The following TRERF1 variants were observed in gnomAD, a reference collection of about 807,000 sequenced individuals.
The protein encoded by TRERF1 is transcriptional regulating factor 1.
A neutral mutation model predicts 122.9 loss-of-function variants in TRERF1; 27 were observed. That is an observed-to-expected ratio of 0.22 (90% CI 0.16 to 0.30). The LOEUF (loss-of-function observed/expected upper bound fraction) is 0.30. Among genes scored for constraint, TRERF1 ranks in the 10% least tolerant of loss-of-function variants. The pLI, the probability that TRERF1 is intolerant of heterozygous loss-of-function variation, is 1.00. For synonymous variants in TRERF1, 636 were observed against 641.7 expected, an observed-to-expected ratio of 0.99 and a Z score of 0.13; for missense variants, 1,248 against 1,560.3, an observed-to-expected ratio of 0.80 and a Z score of 3.37.
chr6:42,347,287 T>C (rs965173817), intron 3 of TRERF1, among the ~76,000 whole-genome samples: 7 of 152,132 alleles, frequency 4.6e-5, no homozygotes, highest in South Asian at 2.1e-4. Context: ...TCCACCCACA[T>C]AATCTGTTCA....
At chr6:42,332,928 T>G (rs1396663374) in intron 3 of TRERF1, among the ~76,000 whole-genome samples, 1 of 152,216 alleles carries the variant, frequency 6.6e-6, no homozygotes, top group African/African-American at 2.4e-5. Flanking sequence ...GAAACTGGCC[T>G]ACTTTTATGG....
At chr6:42,443,803 T>C (rs1048125889) in intron 2 of TRERF1, among the ~76,000 whole-genome samples, 5 of 151,690 alleles carry the variant, frequency 3.3e-5, no homozygotes, top group Non-Finnish European at 7.4e-5. Context: ...ACAGTGGGAG[T>C]GGACAAGGGA....
intron 2 of TRERF1, among the ~76,000 whole-genome samples, chr6:42,417,369 C>G (rs1285816285): frequency 6.6e-6 from 1 of 152,178 alleles, no homozygotes. Context: ...CTCCTATGCA[C>G]AGTATGAAGG....
At chr6:42,234,946 T>A (rs1012801760) in intron 16 of TRERF1, among the ~76,000 whole-genome samples, 1 of 152,200 alleles carries the variant, frequency 6.6e-6, no homozygotes, top group Non-Finnish European at 1.5e-5. Context: ...ATACCATCAC[T>A]TAAAGTCATT....
intron 4 of TRERF1, among the ~76,000 whole-genome samples, chr6:42,271,269 G>C (rs181129161): frequency 1.3e-4 from 19 of 151,368 alleles, no homozygotes; most frequent in African/African-American, 4.1e-4. Flanking sequence ...AGAGGTGCAA[G>C]CTGTCCTTTT....
intron 4 of TRERF1, among the ~76,000 whole-genome samples, chr6:42,274,280 C>T (rs1039149604): frequency 4.6e-5 from 7 of 152,218 alleles, no homozygotes; most frequent in African/African-American, 9.6e-5. Flanking sequence ...ATGATCCAGT[C>T]TCTCCACATT....
At position 42,269,135 on chromosome 6, in the gene TRERF1, G is replaced by T; in HGVS notation, c.456C>A (p.Asn152Lys). 6.2e-7 allele frequency: 1 copy of T among 1,614,236 alleles called. No individual in the cohort carries two copies. Among genetic ancestry groups the T allele is most frequent in the South Asian group, 1.1e-5 (1 of 91,084 alleles). ...TGTTGACCTGAATTCGCAGGTTTTG[G>T]TTGGCAAACACCTGGGTGAAAGAGT... Residue 152 changes from asparagine (N) to lysine (K), a missense_variant, in exon 5 of 18, where the codon AAC (asparagine) becomes AAA (lysine). Asn to Lys is a moderately conservative substitution (Grantham distance 94). This residue lies in a region of TRERF1 where 946 missense variants were observed against 1,073.0 expected (regional missense o/e 0.88). Coordinates refer to ENST00000372922, the Ensembl canonical transcript of TRERF1. This position sits in a 1 kb window ranked among gnomAD's most constrained non-coding sequence, Gnocchi z 4.9.
chr6:42,376,529 T>C (rs1241774249), intron 2 of TRERF1, among the ~76,000 whole-genome samples: 1 of 149,236 alleles, frequency 6.7e-6, no homozygotes, highest in Non-Finnish European at 1.5e-5. Context: ...TGACTTTTCG[T>C]CTAATTCTTT....
chr6:42,249,559 G>GT (rs1168806382), intron 13 of TRERF1, among the ~76,000 whole-genome samples: 2 of 152,154 alleles, frequency 1.3e-5, no homozygotes, highest in Non-Finnish European at 2.9e-5. Context: ...ATTCCTGGTG[G>GT]TTTTTAAGAC....
intron 15 of TRERF1, among the ~76,000 whole-genome samples, chr6:42,238,834 TTCACACAC>T (rs936018587): frequency 1.4e-5 from 1 of 69,526 alleles, no homozygotes; most frequent in African/African-American, 4.4e-5. Context: ...AATCATGCAT[TTCACACAC>T]ACACACACAC....
At chr6:42,365,447 G>A (rs577656361) in intron 2 of TRERF1, among the ~76,000 whole-genome samples, 12 of 152,078 alleles carry the variant, frequency 7.9e-5, no homozygotes, top group South Asian at 2.1e-4. Context: ...TCATTCTCCC[G>A]GGCTCCCAGA....
chr6:42,379,840 C>T lies in TRERF1; in HGVS notation c.-453-16761G>A, dbSNP rs149520301. 3.4e-3 allele frequency among the ~76,000 whole-genome samples: 516 copies of T among 152,334 alleles called. 3 individuals carry two copies. The highest frequency in any genetic ancestry group is 0.01 in the Middle Eastern group (3 of 294). Reference sequence around the variant, plus strand: ...ACAGGTGTGAGCCATCACGCCCAGCCTGTGCCAGGCATGTTGTAGGTTCTG... The same window carrying T: ...ACAGGTGTGAGCCATCACGCCCAGCTTGTGCCAGGCATGTTGTAGGTTCTG... On this transcript the variant is annotated intron_variant, in intron 2 of 17. Transcript: ENST00000372922.
intron 4 of TRERF1, among the ~76,000 whole-genome samples, chr6:42,292,878 A>G (rs536114398): frequency 1.5e-4 from 23 of 152,356 alleles, no homozygotes; most frequent in Admixed American, 7.2e-4. Context: ...GATACCAGAT[A>G]AAGTGATATT....
At chr6:42,367,899 G>A (rs930535976) in intron 2 of TRERF1, among the ~76,000 whole-genome samples, 9 of 152,064 alleles carry the variant, frequency 5.9e-5, no homozygotes, top group African/African-American at 1.9e-4. Context: ...CTGGCTGCCC[G>A]GCCAGCGTCT....
At chr6:42,445,281 A>C (rs11294726) in intron 2 of TRERF1, among the ~76,000 whole-genome samples, 1 of 138,958 alleles carries the variant, frequency 7.2e-6, no homozygotes, top group Non-Finnish European at 1.6e-5. Context: ...AAAAAAAAAA[A>C]CAAAAAACGA....
At chr6:42,353,631 T>A (rs1195388009) in intron 3 of TRERF1, among the ~76,000 whole-genome samples, 1 of 152,114 alleles carries the variant, frequency 6.6e-6, no homozygotes, top group Non-Finnish European at 1.5e-5. Flanking sequence ...ACAACTCAGC[T>A]ATCTATCTGT....
Position 42,263,389 on chromosome 6 carries a change from G to A in TRERF1, c.1815C>T (p.Ser605=). ...CTCTGGCGGAGGGGGCGGCAACGGT[G>A]CTGTTGGTGAACCCCTGAGAGCTGG... Residue 605 remains serine, a synonymous_variant, in exon 8 of 18, where the codon AGC becomes AGT. Transcript: ENST00000372922. The surrounding 1 kb of genome is among the most constrained non-coding windows in gnomAD (Gnocchi z 5.6). 2.5e-6 allele frequency: 4 copies of A among 1,612,910 alleles called. No homozygotes were observed. The highest frequency in any genetic ancestry group is 3.4e-6 in the Non-Finnish European group (4 of 1,179,564).
chr6:42,267,098 G>A (rs937304450), intron 5 of TRERF1, among the ~76,000 whole-genome samples: 1 of 152,230 alleles, frequency 6.6e-6, no homozygotes, highest in African/African-American at 2.4e-5. Context: ...GCTAAAGCAG[G>A]AGGATCGCCT....
intron 2 of TRERF1, among the ~76,000 whole-genome samples, chr6:42,386,033 T>C (rs1245347349): frequency 6.6e-6 from 1 of 152,112 alleles, no homozygotes; most frequent in Non-Finnish European, 1.5e-5. Flanking sequence ...AATTCAGAGA[T>C]TCATTAATCT....
Sources: gnomAD v4.1 joint callset for allele counts (sites outside exome capture counted in the v4.1 genomes callset) on GRCh38, gnomAD v4.1.1 for gene constraint, gnomAD v4.1.1 regional missense constraint, Gnocchi (gnomAD v3.1) non-coding constraint, MANE v1.5 for transcripts, NCBI Gene and HGNC (gene_info 2026-07-23, HGNC 2026-07-21) for gene names.